The following RORB variants were observed in gnomAD, a reference collection of about 807,000 sequenced individuals.
The protein encoded by RORB is RAR related orphan receptor B, also known as nuclear receptor ROR-beta.
In RORB, 6 loss-of-function variants were observed where a neutral mutation model predicts 59.1. That is an observed-to-expected ratio of 0.10 (90% CI 0.06 to 0.20). The LOEUF (loss-of-function observed/expected upper bound fraction) is 0.20, where lower values mean the gene tolerates loss of function less well. Ranked by LOEUF, RORB falls within the 10% of genes least tolerant of loss-of-function variation. RORB has a pLI of 1.00. For synonymous variants in RORB, 215 were observed against 204.5 expected (o/e 1.05, Z -0.44); for missense variants, 320 against 560.5 (o/e 0.57, Z 4.33).
intron 4 of RORB, among the ~76,000 whole-genome samples, chr9:74,652,411 G>GA (rs1000859055): frequency 2.0e-5 from 3 of 151,474 alleles, no homozygotes; most frequent in Admixed American, 2.0e-4. Context: ...CAACTCAAAA[G>GA]AAAAAAAATG....
At chr9:74,667,959 C>T (rs1238918415) in intron 8 of RORB, 58 bp downstream of exon 8, 3 of 1,005,454 alleles carry the variant, frequency 3.0e-6, no homozygotes, top group Admixed American at 3.4e-5. Context: ...ATTTTTAACA[C>T]TGATGACACC....
intron 1 of RORB, among the ~76,000 whole-genome samples, chr9:74,626,986 AC>A (rs1823530178): frequency 6.6e-6 from 1 of 152,078 alleles, no homozygotes; most frequent in East Asian, 1.9e-4. Flanking sequence ...ACATGGTGAA[AC>A]CCCGTCTCTA....
chr9:74,562,025 G>C lies in RORB; in HGVS notation c.7+64042G>C, dbSNP rs141888867. 2.2e-3 allele frequency among the ~76,000 whole-genome samples: 329 copies of C among 152,214 alleles called. 3 individuals are homozygous for C. The highest frequency in any genetic ancestry group is 7.8e-3 in the African/African-American group (325 of 41,544). On this transcript the variant is annotated intron_variant, in intron 1 of 9. Transcript: ENST00000376896. The stretch of plus-strand genomic sequence containing the variant: ...TTGGCCAGAATATCATAAAAACATT[G>C]TATCCCTTTCAGTGTGCTATATCAG...
At chr9:74,584,439 G>A (rs1356507196) in intron 1 of RORB, among the ~76,000 whole-genome samples, 2 of 152,156 alleles carry the variant, frequency 1.3e-5, no homozygotes, top group East Asian at 3.8e-4. Context: ...GATTAAATGA[G>A]ATAATAGATA....
chr9:74,671,868 G>T lies in RORB; in HGVS notation c.1191G>T (p.Gln397His). ...ATTTTGCACTTCAACATGTGATTCA[G>T]AAGAATCACCTGGATGATGAGACCT... is the stretch of plus-strand genomic sequence containing the variant. ...KIYFALQHVI[Q>H]KNHLDDETLA... Residue 397 changes from glutamine (Q) to histidine (H), a missense_variant, in exon 9 of 10, where the codon CAG becomes CAT. By Grantham distance (24) the Gln-to-His change is conservative. Transcript: ENST00000376896. 6.2e-7 allele frequency: 1 copy of T among 1,610,410 alleles called. No individual in the cohort carries two copies. Among genetic ancestry groups the T allele is most frequent in the Non-Finnish European group, 8.5e-7 (1 of 1,177,524 alleles).
At chr9:74,656,675 G>A (rs1344947185) in intron 4 of RORB, among the ~76,000 whole-genome samples, 2 of 152,166 alleles carry the variant, frequency 1.3e-5, no homozygotes, top group Non-Finnish European at 2.9e-5. Context: ...AGTGGAGGTT[G>A]CAGTGAGCTG....
chr9:74,619,476 G>T (rs11144026), intron 1 of RORB, among the ~76,000 whole-genome samples: 1 of 152,048 alleles, frequency 6.6e-6, no homozygotes, highest in Non-Finnish European at 1.5e-5. Flanking sequence ...TTTTGAGTTG[G>T]AGTCTTACTC....
At chr9:74,587,540 G>A (rs1384416132) in intron 1 of RORB, among the ~76,000 whole-genome samples, 1 of 152,174 alleles carries the variant, frequency 6.6e-6, no homozygotes, top group Non-Finnish European at 1.5e-5. Flanking sequence ...GGTCAACTGG[G>A]TGGTTCTTCT....
At chr9:74,654,328 T>A (rs1416133054) in intron 4 of RORB, among the ~76,000 whole-genome samples, 1 of 132,278 alleles carries the variant, frequency 7.6e-6, no homozygotes, top group South Asian at 2.7e-4. Context: ...CTTTACAGTC[T>A]CAGGGGAGAG....
intron 8 of RORB, among the ~76,000 whole-genome samples, chr9:74,668,298 A>G (rs1428178919): frequency 6.6e-6 from 1 of 152,226 alleles, no homozygotes; most frequent in Non-Finnish European, 1.5e-5. Context: ...CAGAATGGGG[A>G]CCTACATAAG....
chr9:74,613,356 T>A (rs1210740792), intron 1 of RORB, among the ~76,000 whole-genome samples: 1 of 152,206 alleles, frequency 6.6e-6, no homozygotes, highest in African/African-American at 2.4e-5. Flanking sequence ...CTAAAGTTTT[T>A]ACCAAATGTA....
At chr9:74,546,565 A>G (rs75221909) in intron 1 of RORB, among the ~76,000 whole-genome samples, 2 of 152,222 alleles carry the variant, frequency 1.3e-5, no homozygotes, top group Admixed American at 1.3e-4. Flanking sequence ...AGAAAAAGCC[A>G]TTGGCTTTGA....
chr9:74,598,134 C>A (rs1324842744), intron 1 of RORB, among the ~76,000 whole-genome samples: 1 of 152,034 alleles, frequency 6.6e-6, no homozygotes, highest in Non-Finnish European at 1.5e-5. Context: ...TTGGACTGTG[C>A]TGATCTGCAA....
chr9:74,675,713 C>G (rs1043369783), intron 9 of RORB, among the ~76,000 whole-genome samples: 1 of 152,162 alleles, frequency 6.6e-6, no homozygotes, highest in Non-Finnish European at 1.5e-5. Context: ...GTGCAAAGCC[C>G]GGGTTCAGAG....
At chr9:74,628,518 C>A (rs909911654) in intron 1 of RORB, among the ~76,000 whole-genome samples, 5 of 152,110 alleles carry the variant, frequency 3.3e-5, no homozygotes. Flanking sequence ...GCACACAACA[C>A]TGAGGTTTTT....
rs139948185 is a variant in RORB at position 74,556,870 on chromosome 9, C to G, written c.7+58887C>G. On this transcript the variant is annotated intron_variant, in intron 1 of 9. Coordinates refer to ENST00000376896, the MANE Select transcript of RORB (RefSeq NM_006914.4). ...CTGCTATTGCTACAATAGCTGAAAC[C>G]CAGAAATTTTGTGGCTTTCTTCACA... Among the ~76,000 whole-genome samples the G allele has an allele frequency of 8.1e-3, 1,236 of 152,164 alleles. 10 individuals are homozygous for G. Among genetic ancestry groups the G allele is most frequent in the Non-Finnish European group, 0.013 (900 of 67,988 alleles).
At chr9:74,674,113 A>G (rs1587418275) in intron 9 of RORB, among the ~76,000 whole-genome samples, 2 of 152,172 alleles carry the variant, frequency 1.3e-5, no homozygotes, top group African/African-American at 2.4e-5. Context: ...CAAATGTGCC[A>G]TCACTGTCTA....
chr9:74,512,104 A>C (rs1203339865), intron 1 of RORB, among the ~76,000 whole-genome samples: 2 of 152,164 alleles, frequency 1.3e-5, no homozygotes, highest in Non-Finnish European at 2.9e-5. Context: ...TTTGTCTCTA[A>C]AGGCTCCTAA....
chr9:74,535,762 T>C (rs1826313367), intron 1 of RORB, among the ~76,000 whole-genome samples: 1 of 151,858 alleles, frequency 6.6e-6, no homozygotes. Flanking sequence ...GGGGAATTGC[T>C]AAAAAAAATC....
Sources: allele counts gnomAD v4.1 joint callset (sites outside exome capture counted in the v4.1 genomes callset), GRCh38; gene constraint gnomAD v4.1.1; transcripts MANE v1.5; gene names NCBI Gene and HGNC (gene_info 2026-07-23, HGNC 2026-07-21).